Variants in MYH1 observed in about 807,000 individuals in gnomAD.
MYH1 encodes myosin-1.
In MYH1, 214 loss-of-function variants were observed where a neutral mutation model predicts 225.6. The observed-to-expected ratio is 0.95, with a 90% CI of 0.85 to 1.06. The LOEUF (loss-of-function observed/expected upper bound fraction) is 1.06, where lower values mean the gene tolerates loss of function less well. MYH1 is among the 50% of genes least tolerant of loss of function. The pLI is 0.00. For synonymous variants in MYH1, 774 were observed against 842.3 expected, an observed-to-expected ratio of 0.92 and a Z score of 1.40; for missense variants, 2,098 against 2,344.2, an observed-to-expected ratio of 0.89 and a Z score of 2.17.
intron 39 of MYH1, 25 bp from the exon 40 acceptor site, chr17:10,492,593 G>A: frequency 6.3e-7 from 1 of 1,587,964 alleles, no homozygotes; most frequent in Non-Finnish European, 8.6e-7. Context: ...CCATTTATGA[G>A]GGAAGAAAGT....
At chr17:10,513,600 T>G (rs1198402809) in intron 9 of MYH1, 26 bp downstream of exon 9, 1 of 1,606,646 alleles carries the variant, frequency 6.2e-7, no homozygotes, top group African/African-American at 1.3e-5. Context: ...ATTCTTGGAT[T>G]CTATTTAGGA....
Position 10,508,476 on chromosome 17 carries a change from C to A in MYH1, c.1784G>T (p.Gly595Val). ...YAGTVDYNIA[G>V]WLDKNKDPLN... ...GGGGTCCTTGTTCTTGTCAAGCCAG[C>A]CGGCAATGTTGTAGTCCACGGTGCC... Residue 595 changes from glycine to valine, a missense_variant, in exon 16 of 40, where the codon GGC (glycine) becomes GTC (valine). Coordinates refer to ENST00000226207, the MANE Select transcript of MYH1 (RefSeq NM_005963.4). 6.2e-7 allele frequency: 1 copy of A among 1,614,180 alleles called. No individual in the cohort carries two copies. Among genetic ancestry groups the A allele is most frequent in the Non-Finnish European group, 8.5e-7 (1 of 1,180,046 alleles).
At position 10,504,834 on chromosome 17, in the gene MYH1, A is replaced by G; in HGVS notation, c.2667T>C (p.Asn889=). The G allele has an allele frequency of 6.2e-7, 1 of 1,613,908 alleles. No homozygotes were observed. The highest frequency in any genetic ancestry group is 1.1e-5 in the South Asian group (1 of 91,048). ...CAGCTTGAACCTGGAGTTGCAAGTC[A>G]TTTTTTTCTTGCATCAGAGTAACCA... ...EKMVTLMQEK[N]DLQLQVQAEA... The change falls in exon 22 of 40, where the codon AAT becomes AAC. Residue 889 remains asparagine (N), a synonymous_variant. Coordinates refer to ENST00000226207, the MANE Select transcript of MYH1 (RefSeq NM_005963.4).
Position 10,497,284 on chromosome 17 carries a change from C to T in MYH1, c.4531+3G>A. On this transcript the variant is annotated splice_donor_region_variant and intron_variant, in intron 32 of 39. Coordinates refer to ENST00000226207, the MANE Select transcript of MYH1 (RefSeq NM_005963.4). ...TGTTAAAGAAAAGGTAAAATGTTCTCACGTTGCAAATTCTTATTTTCCCGT... is the reference window on the plus strand; with the variant it reads ...TGTTAAAGAAAAGGTAAAATGTTCTTACGTTGCAAATTCTTATTTTCCCGT... 2.5e-6 allele frequency: 4 copies of T among 1,597,892 alleles called. No homozygotes were observed. The highest frequency in any genetic ancestry group is 3.4e-6 in the Non-Finnish European group (4 of 1,175,840).
chr17:10,517,134 T>C (rs920687230), intron 2 of MYH1, among the ~76,000 whole-genome samples: 16 of 152,316 alleles, frequency 1.1e-4, no homozygotes, highest in Admixed American at 9.2e-4. Context: ...GAACAAATGC[T>C]GGACACAGAG....
Position 10,505,402 on chromosome 17 carries a change from A to G in MYH1, c.2284T>C (p.Phe762Leu). ...CAGAATATTACCTTGGTGTGACCAA[A>G]TTTATACTGGGTGTGGTCAATGTCA... ...SIDIDHTQYKFGHTKVFFKAG... is the reference protein window; with the variant it reads ...SIDIDHTQYKLGHTKVFFKAG... The change falls in exon 20 of 40, where the codon TTT (phenylalanine) becomes CTT (leucine). Residue 762 changes from phenylalanine to leucine, a missense_variant. Transcript: ENST00000226207. 1 of 1,614,234 alleles carries G rather than the reference A, an allele frequency of 6.2e-7. No individual in the cohort carries two copies. The highest frequency in any genetic ancestry group is 1.1e-5 in the South Asian group (1 of 91,086).
Position 10,496,071 on chromosome 17 carries a change from T to C in MYH1, c.5048A>G (p.Asn1683Ser), listed in dbSNP as rs759036108. 8 of 1,614,146 alleles carry C rather than the reference T, an allele frequency of 5.0e-6. 1 individual carries two copies. The highest frequency in any genetic ancestry group is 4.4e-5 in the South Asian group (4 of 91,078). ...CTCCTCGATCTCAGCCTGCAGCAGG[T>C]TGGCTCTGCGCTCCACCATAGCCAG... is the stretch of plus-strand genomic sequence containing the variant. Reference protein sequence around the residue: ...EQLAMVERRANLLQAEIEELR... With the variant: ...EQLAMVERRASLLQAEIEELR... Residue 1683 changes from asparagine (N) to serine (S), a missense_variant, in exon 35 of 40, where the codon AAC becomes AGC. Asn to Ser is a conservative substitution (Grantham distance 46). Coordinates refer to ENST00000226207, the MANE Select transcript of MYH1 (RefSeq NM_005963.4).
Position 10,498,622 on chromosome 17 carries a change from A to G in MYH1, c.4181+4T>C. On this transcript the variant is annotated splice_donor_region_variant and intron_variant, in intron 30 of 39. Transcript: ENST00000226207. Reference sequence around the variant, plus strand: ...GTTCCATTTTAACTAAGTCTGGAACATACTTGGCCTCCTCCAGCTCCTCTG... The same window carrying G: ...GTTCCATTTTAACTAAGTCTGGAACGTACTTGGCCTCCTCCAGCTCCTCTG... 1 of 1,614,014 alleles carries G rather than the reference A, an allele frequency of 6.2e-7. No individual in the cohort carries two copies. The highest frequency in any genetic ancestry group is 1.7e-5 in the Admixed American group (1 of 60,022).
Position 10,492,453 on chromosome 17 carries a change from C to T in MYH1, c.5783G>A (p.Ser1928Asn), listed in dbSNP as rs1430421511. The T allele has an allele frequency of 6.2e-7, 1 of 1,614,034 alleles. No individual in the cohort carries two copies. The highest frequency in any genetic ancestry group is 1.3e-5 in the African/African-American group (1 of 74,930). The change falls in exon 40 of 40, where the codon AGC becomes AAC. Residue 1928 changes from serine (S) to asparagine (N), a missense_variant. Transcript: ENST00000226207. The stretch of plus-strand genomic sequence containing the variant: ...TATGATTTTTGTGTGAACCTCCCTG[C>T]TCTTCACCCTCAGCTTGTTGACCTG... Reference protein sequence around the residue: ...ESQVNKLRVKSREVHTKIISE... With the variant: ...ESQVNKLRVKNREVHTKIISE...
rs757737703 is a variant in MYH1, at chr17:10,495,986, C to T, written c.5133G>A (p.Leu1711=). The T allele has an allele frequency of 2.5e-6, 4 of 1,614,074 alleles. No individual in the cohort carries two copies. The Admixed American group carries it at 5.0e-5, about 20-fold the overall frequency. Residue 1711 remains leucine, a synonymous_variant, in exon 35 of 40, where the codon CTG becomes CTA. Coordinates refer to ENST00000226207, the MANE Select transcript of MYH1 (RefSeq NM_005963.4). ...GGAGCTGAACACGCTCACTGGCATCCAGGAGCTCCTGTTCTGCGATTTTCC... is the reference window on the plus strand; with the variant it reads ...GGAGCTGAACACGCTCACTGGCATCTAGGAGCTCCTGTTCTGCGATTTTCC... ...RSRKIAEQEL[L]DASERVQLLH...
chr17:10,513,218 T>C (rs2073190028), intron 9 of MYH1, among the ~76,000 whole-genome samples: 1 of 152,286 alleles, frequency 6.6e-6, no homozygotes, highest in South Asian at 2.1e-4. Flanking sequence ...TGGAATATAA[T>C]TGAGTCCTGA....
At chr17:10,513,364 T>TA (rs113649339) in intron 9 of MYH1, among the ~76,000 whole-genome samples, 49 of 150,362 alleles carry the variant, frequency 3.3e-4, no homozygotes, top group South Asian at 1.5e-3. Context: ...AGTTTTTTCT[T>TA]AAAAAAAAAA....
Position 10,512,209 on chromosome 17 carries a change from C to T in MYH1, c.1148-17G>A, listed in dbSNP as rs182895304. The T allele has an allele frequency of 1.4e-5, 23 of 1,608,678 alleles. No individual in the cohort carries two copies. The highest frequency in any genetic ancestry group is 3.3e-4 in the Middle Eastern group (2 of 6,046). Reference sequence around the variant, plus strand: ...TGTCAGCAACTGCAGAAACATAATTCAGATACCTAATATGACTTACTCTGG... The same window carrying T: ...TGTCAGCAACTGCAGAAACATAATTTAGATACCTAATATGACTTACTCTGG... On this transcript the variant is annotated splice_polypyrimidine_tract_variant and intron_variant, in intron 12 of 39. Coordinates refer to ENST00000226207, the MANE Select transcript of MYH1 (RefSeq NM_005963.4).
intron 27 of MYH1, 86 bp from the exon 28 acceptor site, chr17:10,500,838 G>A (rs2073046494): frequency 1.3e-6 from 2 of 1,556,072 alleles, no homozygotes; most frequent in African/African-American, 2.7e-5. Context: ...CATATGAGCT[G>A]CAGTACTCAT....
chr17:10,509,444 G>C (rs764257663), intron 15 of MYH1, 41 bp downstream of exon 15: 1 of 1,613,616 alleles, frequency 6.2e-7, no homozygotes, highest in Admixed American at 1.7e-5. Flanking sequence ...TTTAAATACT[G>C]TACAGCAGTA....
At chr17:10,507,341 G>C (rs1475755398) in intron 17 of MYH1, among the ~76,000 whole-genome samples, 1 of 152,192 alleles carries the variant, frequency 6.6e-6, no homozygotes, top group Non-Finnish European at 1.5e-5. Context: ...GGGATTACAG[G>C]CGTGAGCAAC....
At chr17:10,512,610 C>A (rs2142277646) in intron 11 of MYH1, 64 bp from the exon 12 acceptor site, 2 of 1,611,640 alleles carry the variant, frequency 1.2e-6, no homozygotes, top group Middle Eastern at 3.3e-4. Context: ...ATCTTTTACA[C>A]ACATATAGAT....
rs199905182 is a variant in MYH1 at position 10,512,710 on chromosome 17, C to T, written c.979G>A (p.Asp327Asn). 8.6e-5 allele frequency: 138 copies of T among 1,613,746 alleles called. No homozygotes were observed. The highest frequency in any genetic ancestry group is 1.9e-5 in the Non-Finnish European group (23 of 1,179,962). ...SQGEITVPSI[D>N]DQEELMATDS... ...GTAGCCATCAACTCTTCTTGGTCAT[C>T]AATGCTGGGCACTGTGATCTCCCCT... is the stretch of plus-strand genomic sequence containing the variant. The change falls in exon 11 of 40, where the codon GAT becomes AAT. Residue 327 changes from aspartate (D) to asparagine (N), a missense_variant. Transcript: ENST00000226207.
chr17:10,501,976 T>A (rs2073062794), intron 24 of MYH1, 65 bp from the exon 25 acceptor site: 3 of 1,465,230 alleles, frequency 2.0e-6, no homozygotes, highest in Admixed American at 4.5e-5. Context: ...CAGATGAAAT[T>A]TTTAAACATT....
Sources: allele counts gnomAD v4.1 joint callset (sites outside exome capture counted in the v4.1 genomes callset), GRCh38; gene constraint gnomAD v4.1.1; transcripts MANE v1.5; gene names NCBI Gene and HGNC (gene_info 2026-07-23, HGNC 2026-07-21).